Variants in YME1L1 observed in about 807,000 individuals in gnomAD.
YME1L1 encodes YME1 like 1 ATPase, also known as ATP-dependent zinc metalloprotease YME1L1.
YME1L1 carries 39 observed loss-of-function variants against 90.4 expected under a neutral mutation model. The observed-to-expected ratio is 0.43, with a 90% CI of 0.33 to 0.56. The LOEUF is 0.56. Among genes scored for constraint, YME1L1 ranks in the 20% least tolerant of loss-of-function variants. The pLI is 0.03. For synonymous variants in YME1L1, 284 were observed against 287.3 expected, an observed-to-expected ratio of 0.99 and a Z score of 0.12; for missense variants, 617 against 868.4, an observed-to-expected ratio of 0.71 and a Z score of 3.64.
At chr10:27,119,528 A>C in intron 13 of YME1L1, 79 bp from the exon 14 acceptor site, 1 of 1,475,776 alleles carries the variant, frequency 6.8e-7, no homozygotes, top group Non-Finnish European at 9.0e-7. Flanking sequence ...TCACATTCCA[A>C]CTGGGTGCGT....
chr10:27,142,747 G>A (rs1212817049), intron 3 of YME1L1, among the ~76,000 whole-genome samples: 2 of 151,678 alleles, frequency 1.3e-5, no homozygotes, highest in African/African-American at 4.8e-5. Context: ...ACGGAGTCCC[G>A]CTCTGTCGCC....
intron 3 of YME1L1, among the ~76,000 whole-genome samples, chr10:27,145,072 C>T (rs1181944053): frequency 1.3e-5 from 2 of 152,036 alleles, no homozygotes; most frequent in Non-Finnish European, 2.9e-5. Context: ...ACCCGGGAGG[C>T]GGAGCTTGCA....
chr10:27,113,254 A>T (rs28682563), intron 18 of YME1L1, among the ~76,000 whole-genome samples: 6 of 97,712 alleles, frequency 6.1e-5, no homozygotes, highest in South Asian at 3.5e-4. Flanking sequence ...AAAAAAAAAA[A>T]AAAAAAAAAG....
In YME1L1 at chr10:27,112,002, T is replaced by G; in HGVS notation, c.2126A>C (p.Glu709Ala). The change falls in exon 19 of 19, where the codon GAG becomes GCG. Residue 709 changes from glutamate (E) to alanine (A), a missense_variant. Physicochemically the swap from Glu to Ala is moderately radical, Grantham distance 107. Coordinates refer to ENST00000376016, the MANE Select transcript of YME1L1 (RefSeq NM_014263.4). ...TCATCTCACTTCCAACTTTTTCCCC[T>G]CAAGAACAATTTGAATCTCTTTGGC... Reference protein sequence around the residue: ...LDAKEIQIVLEGKKLEVR With the variant: ...LDAKEIQIVLAGKKLEVR The G allele has an allele frequency of 1.2e-6, 2 of 1,614,038 alleles. No individual in the cohort carries two copies. The highest frequency in any genetic ancestry group is 1.7e-6 in the Non-Finnish European group (2 of 1,179,984).
chr10:27,124,058 G>A (rs938530721), intron 9 of YME1L1, among the ~76,000 whole-genome samples: 1 of 152,130 alleles, frequency 6.6e-6, no homozygotes, highest in Admixed American at 6.6e-5. Flanking sequence ...CTGATTTGAT[G>A]CTTTTTCATA....
chr10:27,127,165 CGCTTATTA>C (rs2056929043), intron 8 of YME1L1, among the ~76,000 whole-genome samples: 1 of 152,094 alleles, frequency 6.6e-6, no homozygotes, highest in African/African-American at 2.4e-5. Context: ...TGTCAAGATT[CGCTTATTA>C]TTTCAAGAAA....
At chr10:27,150,041 A>T (rs2057194343) in intron 1 of YME1L1, among the ~76,000 whole-genome samples, 1 of 151,946 alleles carries the variant, frequency 6.6e-6, no homozygotes, top group South Asian at 2.1e-4. Flanking sequence ...ATGCCATTGC[A>T]TTCCAGCCTG....
intron 9 of YME1L1, among the ~76,000 whole-genome samples, chr10:27,126,228 AG>A (rs569423211): frequency 5.5e-4 from 84 of 152,196 alleles, no homozygotes; most frequent in African/African-American, 1.9e-3. Context: ...GGATCGCTTG[AG>A]CCCAGGAGTT....
intron 4 of YME1L1, among the ~76,000 whole-genome samples, chr10:27,139,494 A>T (rs2057063766): frequency 6.6e-6 from 1 of 152,086 alleles, no homozygotes; most frequent in African/African-American, 2.4e-5. Flanking sequence ...AAGTTTTACT[A>T]ACAGCAATCT....
intron 10 of YME1L1, 144 bp from the exon 11 acceptor site, chr10:27,123,117 T>C: frequency 1.0e-6 from 1 of 1,002,760 alleles, no homozygotes; most frequent in Non-Finnish European, 1.4e-6. Context: ...TTTTACTGAC[T>C]TAAAAATAGT....
rs540581985 is a variant in YME1L1 at position 27,116,706 on chromosome 10, T to A, written c.1720-361A>T. Among the ~76,000 whole-genome samples the A allele has an allele frequency of 7.1e-4, 107 of 151,574 alleles. 1 individual carries two copies. Among genetic ancestry groups the A allele is most frequent in the African/African-American group, 1.9e-3 (80 of 41,294 alleles). ...ATAAATAAAATAAAACCAAATTAAA[T>A]TAAAATAAAATAAAATGTAATGAAA... On this transcript the variant is annotated intron_variant, in intron 15 of 18. Coordinates refer to ENST00000376016, the MANE Select transcript of YME1L1 (RefSeq NM_014263.4).
chr10:27,149,911 T>C (rs1462535210), intron 1 of YME1L1, among the ~76,000 whole-genome samples: 2 of 150,874 alleles, frequency 1.3e-5, no homozygotes, highest in Admixed American at 6.6e-5. Context: ...CCATCGCCAC[T>C]AAAAATACAA....
At chr10:27,133,830 C>G (rs1724205328) in intron 7 of YME1L1, among the ~76,000 whole-genome samples, 1 of 152,088 alleles carries the variant, frequency 6.6e-6, no homozygotes, top group Non-Finnish European at 1.5e-5. Flanking sequence ...TCCTTTCACC[C>G]TGTTGACCAG....
intron 3 of YME1L1, among the ~76,000 whole-genome samples, chr10:27,143,304 AGTT>A (rs2057109142): frequency 6.7e-6 from 1 of 149,646 alleles, no homozygotes; most frequent in African/African-American, 2.5e-5. Flanking sequence ...GGGAGGGAGA[AGTT>A]GTGGTGAGCT....
intron 9 of YME1L1, among the ~76,000 whole-genome samples, chr10:27,125,201 A>G (rs1488890623): frequency 1.3e-5 from 2 of 152,152 alleles, no homozygotes; most frequent in Non-Finnish European, 2.9e-5. Context: ...ACACAGCACT[A>G]TTCTTAATAG....
chr10:27,119,495 AAAGAAAGCT>A, intron 13 of YME1L1, 46 bp from the exon 14 acceptor site: 1 of 1,558,974 alleles, frequency 6.4e-7, no homozygotes, highest in Non-Finnish European at 8.6e-7. Context: ...AAAACAGGTA[AAAGAAAGCT>A]CTTCACAAAG....
chr10:27,137,622 T>C (rs2057042784), intron 4 of YME1L1, among the ~76,000 whole-genome samples: 1 of 152,188 alleles, frequency 6.6e-6, no homozygotes, highest in South Asian at 2.1e-4. Flanking sequence ...TATGAATCTT[T>C]TAAATTTGTG....
chr10:27,140,149 G>T (rs1246391158), intron 4 of YME1L1, among the ~76,000 whole-genome samples: 1 of 151,998 alleles, frequency 6.6e-6, no homozygotes, highest in Admixed American at 6.6e-5. Context: ...ACAGGCATGT[G>T]CCACCACACC....
chr10:27,132,295 T>G (rs1376918347), intron 7 of YME1L1, among the ~76,000 whole-genome samples: 1 of 151,734 alleles, frequency 6.6e-6, no homozygotes. Context: ...AGACAGGGTT[T>G]TCCATGTTGG....
Sources: allele counts gnomAD v4.1 joint callset (sites outside exome capture counted in the v4.1 genomes callset), GRCh38; gene constraint gnomAD v4.1.1; transcripts MANE v1.5; gene names NCBI Gene and HGNC (gene_info 2026-07-23, HGNC 2026-07-21).